PHKB: variants seen among roughly 807,000 people sequenced by gnomAD.
The protein encoded by PHKB is phosphorylase kinase regulatory subunit beta.
In PHKB, 122 loss-of-function variants were observed where a neutral mutation model predicts 152.1. The observed-to-expected ratio is 0.80, with a 90% CI of 0.69 to 0.93. The LOEUF (loss-of-function observed/expected upper bound fraction) is 0.93. Ranked by LOEUF, PHKB falls within the 40% of genes least tolerant of loss-of-function variation. PHKB has a pLI of 0.00. For synonymous variants in PHKB, 436 were observed against 464.9 expected (o/e 0.94, Z 0.80); for missense variants, 1,304 against 1,328.4 (o/e 0.98, Z 0.29).
intron 13 of PHKB, among the ~76,000 whole-genome samples, chr16:47,598,333 C>T (rs1972159531): frequency 6.6e-6 from 1 of 152,146 alleles, no homozygotes; most frequent in Non-Finnish European, 1.5e-5. Flanking sequence ...ATTGAACATA[C>T]TACTAAAGAA....
At chr16:47,537,283 G>A (rs887384882) in intron 6 of PHKB, among the ~76,000 whole-genome samples, 2 of 152,198 alleles carry the variant, frequency 1.3e-5, no homozygotes, top group African/African-American at 2.4e-5. Context: ...ATCTAGCAAA[G>A]GCTCTCCAAT....
At chr16:47,671,825 G>A (rs1973643550) in intron 26 of PHKB, among the ~76,000 whole-genome samples, 1 of 152,034 alleles carries the variant, frequency 6.6e-6, no homozygotes, top group Non-Finnish European at 1.5e-5. Context: ...GAATAAATTG[G>A]TTTTTAGCCA....
At chr16:47,698,939 C>T (rs1273145373) in intron 30 of PHKB, among the ~76,000 whole-genome samples, 2 of 152,036 alleles carry the variant, frequency 1.3e-5, no homozygotes, top group Admixed American at 6.6e-5. Flanking sequence ...GTTGGTGCTG[C>T]GTACTGCCTA....
At chr16:47,652,354 T>C (rs550614937) in intron 20 of PHKB, among the ~76,000 whole-genome samples, 1 of 151,470 alleles carries the variant, frequency 6.6e-6, no homozygotes, top group Admixed American at 6.6e-5. Context: ...TTTTCAATCC[T>C]TGCCCTCCTT....
intron 28 of PHKB, among the ~76,000 whole-genome samples, chr16:47,695,148 G>A (rs1974125923): frequency 6.6e-6 from 1 of 152,096 alleles, no homozygotes; most frequent in Admixed American, 6.5e-5. Flanking sequence ...TAGCTGCTGA[G>A]CCTTTTCTCT....
chr16:47,647,125 T>G (rs1039538093), intron 16 of PHKB, among the ~76,000 whole-genome samples: 4 of 152,016 alleles, frequency 2.6e-5, no homozygotes, highest in Admixed American at 2.6e-4. Context: ...ATTTATTTAT[T>G]TATTTATTTA....
chr16:47,486,707 T>C (rs1416184350), intron 1 of PHKB, among the ~76,000 whole-genome samples: 1 of 152,208 alleles, frequency 6.6e-6, no homozygotes, highest in East Asian at 1.9e-4. Context: ...CTCATGGAAC[T>C]ATGGGACTCT....
chr16:47,677,096 A>G (rs752499050), intron 26 of PHKB, among the ~76,000 whole-genome samples: 1 of 152,206 alleles, frequency 6.6e-6, no homozygotes, highest in Non-Finnish European at 1.5e-5. Context: ...GCACTAAAGG[A>G]AAGAGAAAAT....
rs140329862 is a variant in PHKB, at chr16:47,540,493, T to C, written c.595-6940T>C. On this transcript the variant is annotated intron_variant, in intron 6 of 30. Transcript: ENST00000323584. ...TCTTGCACCACCTCCCCTTTTGAAA[T>C]CCTAAATAAAACTTGCTGGTTTTGC... 4.2e-3 allele frequency among the ~76,000 whole-genome samples: 636 copies of C among 152,156 alleles called. 6 individuals are homozygous for C. The highest frequency in any genetic ancestry group is 0.015 in the African/African-American group (606 of 41,510).
At chr16:47,682,591 C>T (rs1340315204) in intron 26 of PHKB, among the ~76,000 whole-genome samples, 1 of 152,202 alleles carries the variant, frequency 6.6e-6, no homozygotes, top group Non-Finnish European at 1.5e-5. Context: ...ACATAGTTCT[C>T]GAGCCTTGGC....
At position 47,499,749 on chromosome 16, in the gene PHKB, A is replaced by G. The variant is rs1156503999; in HGVS notation, c.167-7A>G. 6.2e-7 allele frequency: 1 copy of G among 1,614,170 alleles called. No homozygotes were observed. On this transcript the variant is annotated splice_polypyrimidine_tract_variant and splice_region_variant and intron_variant, in intron 2 of 30. Transcript: ENST00000323584. ...CAGTTCATTCTTTGTCTTGTCCTCA[A>G]TTGCAGTCAAGTCAACATTGCTGCT...
At chr16:47,596,188 G>A (rs971897672) in intron 12 of PHKB, among the ~76,000 whole-genome samples, 185 bp from the exon 13 acceptor site, 7 of 151,994 alleles carry the variant, frequency 4.6e-5, no homozygotes, top group East Asian at 1.9e-4. Context: ...CATATAAAAC[G>A]TACCTTTGCT....
At chr16:47,493,116 T>C (rs951675425) in intron 1 of PHKB, among the ~76,000 whole-genome samples, 7 of 152,120 alleles carry the variant, frequency 4.6e-5, no homozygotes, top group Non-Finnish European at 1.0e-4. Flanking sequence ...TTCCTGAGGC[T>C]CCACCCCGTT....
intron 7 of PHKB, among the ~76,000 whole-genome samples, chr16:47,557,237 A>G (rs1262811433): frequency 6.6e-6 from 1 of 152,192 alleles, no homozygotes; most frequent in Non-Finnish European, 1.5e-5. Context: ...TTAATTCAAG[A>G]TGGATTAAAG....
intron 6 of PHKB, among the ~76,000 whole-genome samples, chr16:47,517,445 G>A: frequency 6.6e-6 from 1 of 151,850 alleles, no homozygotes; most frequent in Non-Finnish European, 1.5e-5. Context: ...TTTTTGTAGA[G>A]ATGGGTTTAC....
Position 47,477,306 on chromosome 16 carries a change from T to C in PHKB, c.76+15880T>C, listed in dbSNP as rs186916410. 5.5e-3 allele frequency among the ~76,000 whole-genome samples: 840 copies of C among 152,346 alleles called. 1 individual carries two copies. Among genetic ancestry groups the C allele is most frequent in the Admixed American group, 9.7e-3 (149 of 15,308 alleles). ...TCCTTCAGGTCATGGACAAGATTTG[T>C]TGCAGCTTTGTATAGCCCCTGATAC... On this transcript the variant is annotated intron_variant, in intron 1 of 30. Coordinates refer to ENST00000323584, the MANE Select transcript of PHKB (RefSeq NM_000293.3).
At chr16:47,690,093 G>T (rs1276969449) in intron 27 of PHKB, among the ~76,000 whole-genome samples, 1 of 152,170 alleles carries the variant, frequency 6.6e-6, no homozygotes. Context: ...CAGACAAATA[G>T]AAGAGTTGAA....
At chr16:47,481,140 T>TG (rs1405556476) in intron 1 of PHKB, among the ~76,000 whole-genome samples, 2 of 152,186 alleles carry the variant, frequency 1.3e-5, no homozygotes, top group East Asian at 3.9e-4. Context: ...TTTTCTGGGA[T>TG]GTTTGACAAC....
At chr16:47,468,654 A>G (rs1290473746) in intron 1 of PHKB, among the ~76,000 whole-genome samples, 1 of 152,224 alleles carries the variant, frequency 6.6e-6, no homozygotes, top group African/African-American at 2.4e-5. Context: ...ACTGTGTCTC[A>G]CAAAATAAAA....
Sources: gnomAD v4.1 joint callset for allele counts (sites outside exome capture counted in the v4.1 genomes callset) on GRCh38, gnomAD v4.1.1 for gene constraint, MANE v1.5 for transcripts, NCBI Gene and HGNC (gene_info 2026-07-23, HGNC 2026-07-21) for gene names.